KCNH7: variants seen among roughly 807,000 people sequenced by gnomAD.
KCNH7 encodes voltage-gated inwardly rectifying potassium channel KCNH7.
KCNH7 carries 49 observed loss-of-function variants against 120.8 expected under a neutral mutation model. The observed-to-expected ratio is 0.41, with a 90% confidence interval of 0.32 to 0.51. KCNH7 has a LOEUF of 0.51. KCNH7 is among the 20% of genes least tolerant of loss of function. The probability of loss-of-function intolerance (pLI) is 0.38; values close to 1 mark genes in which losing one functional copy is unlikely to be tolerated. For missense variants in KCNH7, 1,097 were observed against 1,446.6 expected (o/e 0.76, Z 3.92); for synonymous variants, 547 against 516.1 (o/e 1.06, Z -0.81).
Position 162,379,930 on chromosome 2 carries a change from A to G in KCNH7, c.3054T>C (p.Gly1018=), listed in dbSNP as rs747861404. 3 of 1,613,972 alleles carry G rather than the reference A, an allele frequency of 1.9e-6. No individual in the cohort carries two copies. The highest frequency in any genetic ancestry group is 2.5e-6 in the Non-Finnish European group (3 of 1,179,938). The change falls in exon 14 of 16, where the codon GGT becomes GGC. Residue 1018 remains glycine, a synonymous_variant. Transcript: ENST00000332142. ...TGAGGTCGCTTTCGGTTTCAGAGAT[A>G]CCCCAGGCAGCTCGCTGAAGTGCAG... ...SPSALQRAAW[G]ISETESDLTY...
chr2:162,796,053 A>C (rs1684135040), intron 2 of KCNH7: 1 of 152,112 alleles, frequency 6.6e-6, no homozygotes, highest in African/African-American at 2.4e-5. Flanking sequence ...TCTAGAATAC[A>C]TTTGTTTTAT....
At chr2:162,589,633 C>T (rs1231011182) in intron 2 of KCNH7, among the ~76,000 whole-genome samples, 1 of 152,030 alleles carries the variant, frequency 6.6e-6, no homozygotes, top group African/African-American at 2.4e-5. Flanking sequence ...CCTCCACTCC[C>T]CCAGCAGAGC....
intron 10 of KCNH7, among the ~76,000 whole-genome samples, chr2:162,399,536 G>C (rs146257062): frequency 6.6e-6 from 1 of 151,460 alleles, no homozygotes; most frequent in African/African-American, 2.4e-5. Context: ...CACACCTCAC[G>C]ACAGGCCCCA....
intron 2 of KCNH7, among the ~76,000 whole-genome samples, chr2:162,690,728 C>T (rs1443849463): frequency 1.5e-5 from 2 of 130,136 alleles, no homozygotes; most frequent in African/African-American, 8.4e-5. Context: ...GGAAGGGAAG[C>T]AATATACAGT....
At chr2:162,521,197 A>G (rs1691509073) in intron 3 of KCNH7, among the ~76,000 whole-genome samples, 1 of 151,866 alleles carries the variant, frequency 6.6e-6, no homozygotes, top group African/African-American at 2.4e-5. Context: ...GCCCCAGGCT[A>G]TTTTGCTTAC....
chr2:162,556,210 T>C (rs956964631), intron 2 of KCNH7, among the ~76,000 whole-genome samples: 3 of 152,160 alleles, frequency 2.0e-5, no homozygotes, highest in Non-Finnish European at 4.4e-5. Context: ...CAAACTGTTA[T>C]TAATTAAAAC....
chr2:162,401,112 T>TACATAA (rs1157616028), intron 9 of KCNH7, among the ~76,000 whole-genome samples: 2 of 151,934 alleles, frequency 1.3e-5, no homozygotes, highest in Non-Finnish European at 2.9e-5. Context: ...GAATTTGCAG[T>TACATAA]GCATACATAA....
intron 2 of KCNH7, among the ~76,000 whole-genome samples, chr2:162,747,135 G>A (rs1688344729): frequency 6.6e-6 from 1 of 152,120 alleles, no homozygotes; most frequent in Non-Finnish European, 1.5e-5. Context: ...GTAGCAGACT[G>A]AGTATTCCAT....
intron 9 of KCNH7, among the ~76,000 whole-genome samples, chr2:162,414,559 A>G (rs1687484941): frequency 1.3e-5 from 2 of 152,026 alleles, no homozygotes; most frequent in African/African-American, 2.4e-5. Flanking sequence ...TAAGGGAGAA[A>G]CATGGACTGC....
intron 6 of KCNH7, among the ~76,000 whole-genome samples, chr2:162,491,795 T>C (rs1007543717): frequency 2.8e-4 from 42 of 152,218 alleles, no homozygotes; most frequent in African/African-American, 1.0e-3. Context: ...GGGATGCCTT[T>C]TTCCCCTCTT....
intron 1 of KCNH7, 84 bp downstream of exon 1, chr2:162,838,359 G>T: frequency 1.7e-6 from 2 of 1,145,276 alleles, no homozygotes; most frequent in Non-Finnish European, 1.3e-6. Flanking sequence ...GGAGTTGCCG[G>T]TCTCCCCACC....
In KCNH7 at chr2:162,831,222, C is replaced by G. The variant is rs559618169; in HGVS notation, c.307+5315G>C. ...ATATATATTTTATGAGATGGTTGTA[C>G]CCACTATTTAATATATAAAATTTAC... On this transcript the variant is annotated intron_variant, in intron 2 of 15. Coordinates refer to ENST00000332142, the MANE Select transcript of KCNH7 (RefSeq NM_033272.4). Among the ~76,000 whole-genome samples, 27 of 152,074 alleles carry G rather than the reference C, an allele frequency of 1.8e-4. No homozygotes were observed. The East Asian group carries it at 3.3e-3, about 19-fold the overall frequency.
At position 162,601,489 on chromosome 2, in the gene KCNH7, T is replaced by C. The variant is rs553349078; in HGVS notation, c.308-64409A>G. On this transcript the variant is annotated intron_variant, in intron 2 of 15. Transcript: ENST00000332142. ...TTCTAAATCAGGACACAAATAACCT[T>C]TAATGATCTTGCCATTATTCAATCT... is the stretch of plus-strand genomic sequence containing the variant. 2.1e-4 allele frequency among the ~76,000 whole-genome samples: 29 copies of C among 134,926 alleles called. No individual in the cohort carries two copies. The South Asian group carries it at 6.9e-3, about 32-fold the overall frequency. The allele number at this position is 134,926 out of a possible 152,430, so 88.5% of individuals were successfully genotyped here.
At chr2:162,796,464 A>G (rs1684151795) in intron 2 of KCNH7, 1 of 152,128 alleles carries the variant, frequency 6.6e-6, no homozygotes, top group South Asian at 2.1e-4. Context: ...TACCTGCCTC[A>G]GGTAAGCTTA....
chr2:162,408,198 A>G (rs929749545), intron 9 of KCNH7, among the ~76,000 whole-genome samples: 5 of 152,186 alleles, frequency 3.3e-5, no homozygotes, highest in Admixed American at 2.0e-4. Flanking sequence ...TTTCCCATTC[A>G]TCTAATTTTT....
rs370048156 is a variant in KCNH7 at position 162,806,936 on chromosome 2, T to C, written c.307+29601A>G. Among the ~76,000 whole-genome samples the C allele has an allele frequency of 4.5e-4, 69 of 152,228 alleles. 1 individual carries two copies. Among genetic ancestry groups the C allele is most frequent in the Middle Eastern group, 3.4e-3 (1 of 294 alleles). On this transcript the variant is annotated intron_variant, in intron 2 of 15. Coordinates refer to ENST00000332142, the MANE Select transcript of KCNH7 (RefSeq NM_033272.4). ...ATTATATAGATTACTACATAATCTA[T>C]GCATTTAAACAGTTATGTTGGAAAT... is the stretch of plus-strand genomic sequence containing the variant.
intron 2 of KCNH7, among the ~76,000 whole-genome samples, chr2:162,831,799 C>G (rs974873519): frequency 6.6e-6 from 1 of 152,186 alleles, no homozygotes; most frequent in Non-Finnish European, 1.5e-5. Context: ...GTGAAAATAA[C>G]TAAGAATTTC....
intron 2 of KCNH7, among the ~76,000 whole-genome samples, chr2:162,665,987 T>G (rs1260005003): frequency 6.6e-6 from 1 of 152,206 alleles, no homozygotes; most frequent in Non-Finnish European, 1.5e-5. Context: ...TTCAAGGGTA[T>G]AGAGAAAAAC....
chr2:162,738,669 T>C (rs574993898), intron 2 of KCNH7, among the ~76,000 whole-genome samples: 1 of 152,346 alleles, frequency 6.6e-6, no homozygotes, highest in South Asian at 2.1e-4. Flanking sequence ...TCCTTTATTC[T>C]GGTATCTGTC....
Sources: gnomAD v4.1 joint callset for allele counts (sites outside exome capture counted in the v4.1 genomes callset) on GRCh38, gnomAD v4.1.1 for gene constraint, MANE v1.5 for transcripts, NCBI Gene and HGNC (gene_info 2026-07-23, HGNC 2026-07-21) for gene names.